The following FAM117A variants were observed in gnomAD, a reference collection of about 807,000 sequenced individuals.
FAM117A encodes the protein family with sequence similarity 117 member A, also known as protein FAM117A.
In FAM117A, 21 loss-of-function variants were observed where a neutral mutation model predicts 44.1. That is an observed-to-expected ratio of 0.48 (90% CI 0.34 to 0.69). FAM117A has a LOEUF of 0.69. Ranked by LOEUF, FAM117A falls within the 30% of genes least tolerant of loss-of-function variation. The pLI is 0.01. For synonymous variants in FAM117A, 220 were observed against 238.3 expected, an observed-to-expected ratio of 0.92 and a Z score of 0.71; for missense variants, 498 against 589.9, an observed-to-expected ratio of 0.84 and a Z score of 1.61.
chr17:49,719,975 C>T (rs1363829497), intron 4 of FAM117A, 81 bp from the exon 5 acceptor site: 1 of 1,513,278 alleles, frequency 6.6e-7, no homozygotes, highest in Non-Finnish European at 8.8e-7. Flanking sequence ...GGGTAATGGT[C>T]ATGTCCACAC....
chr17:49,720,273 G>A (rs1455081158), intron 4 of FAM117A, 53 bp downstream of exon 4: 59 of 1,422,248 alleles, frequency 4.1e-5, no homozygotes, highest in East Asian at 1.6e-4. Context: ...GCCCATATAG[G>A]GGGGCCTGCA....
intron 1 of FAM117A, among the ~76,000 whole-genome samples, chr17:49,785,817 T>C (rs2073803984): frequency 6.6e-6 from 1 of 152,044 alleles, no homozygotes; most frequent in South Asian, 2.1e-4. Context: ...AAAATAAAAT[T>C]TTATTGAGGG....
At chr17:49,731,114 A>C (rs1162506852) in intron 2 of FAM117A, among the ~76,000 whole-genome samples, 1 of 152,190 alleles carries the variant, frequency 6.6e-6, no homozygotes, top group Non-Finnish European at 1.5e-5. Context: ...AAAATAAATA[A>C]AGGAAAGAAA....
chr17:49,732,451 G>C, intron 2 of FAM117A, 100 bp downstream of exon 2: 1 of 1,148,436 alleles, frequency 8.7e-7, no homozygotes, highest in Non-Finnish European at 1.3e-6. Context: ...CAAAACCCAA[G>C]ACAAATCATC....
At chr17:49,756,798 C>A (rs531678710) in intron 1 of FAM117A, among the ~76,000 whole-genome samples, 29 of 151,958 alleles carry the variant, frequency 1.9e-4, no homozygotes, top group Non-Finnish European at 3.4e-4. Context: ...CTTGTGTAGT[C>A]CCAGCTATTT....
chr17:49,711,906 A>G lies in FAM117A; in HGVS notation c.1062-351T>C, dbSNP rs190870391. ...ACGCCTATAATCCCAGCACTTTGGA[A>G]GGCCAAGGTGGATGGATCACTTGAG... is the stretch of plus-strand genomic sequence containing the variant. On this transcript the variant is annotated intron_variant, in intron 7 of 7. Coordinates refer to ENST00000240364, the MANE Select transcript of FAM117A (RefSeq NM_030802.4). 3.3e-5 allele frequency among the ~76,000 whole-genome samples: 5 copies of G among 152,338 alleles called. No individual in the cohort carries two copies. The East Asian group carries it at 9.6e-4, about 29-fold the overall frequency.
intron 2 of FAM117A, among the ~76,000 whole-genome samples, chr17:49,725,588 A>T (rs758294310): frequency 2.6e-5 from 4 of 152,204 alleles, no homozygotes; most frequent in Non-Finnish European, 5.9e-5. Context: ...TGCGTATCTG[A>T]GGTAAGAGTA....
intron 1 of FAM117A, among the ~76,000 whole-genome samples, chr17:49,772,438 T>C (rs1403783441): frequency 6.6e-6 from 1 of 151,744 alleles, no homozygotes; most frequent in Non-Finnish European, 1.5e-5. Context: ...AAACCCTGTC[T>C]CTACTAAAAA....
At chr17:49,743,069 TTTA>T (rs1232928030) in intron 1 of FAM117A, among the ~76,000 whole-genome samples, 1 of 152,160 alleles carries the variant, frequency 6.6e-6, no homozygotes, top group Non-Finnish European at 1.5e-5. Flanking sequence ...ACTGAGACCT[TTTA>T]TTACCCAAAC....
intron 2 of FAM117A, among the ~76,000 whole-genome samples, chr17:49,725,891 A>G (rs1017366108): frequency 1.3e-5 from 2 of 152,224 alleles, no homozygotes; most frequent in African/African-American, 2.4e-5. Context: ...AGATGTATGC[A>G]CACTGAAGAG....
chr17:49,784,108 A>G (rs1212275167), intron 1 of FAM117A, among the ~76,000 whole-genome samples: 1 of 152,234 alleles, frequency 6.6e-6, no homozygotes, highest in Non-Finnish European at 1.5e-5. Flanking sequence ...ACAATGAACA[A>G]CTACATTTTG....
At chr17:49,765,560 G>A (rs1276103011), upstream of FAM117A, 1 of 152,208 alleles carries the variant, frequency 6.6e-6, no homozygotes, top group Non-Finnish European at 1.5e-5. Context: ...TGAATGAATT[G>A]AGGCAATGGA....
intron 1 of FAM117A, among the ~76,000 whole-genome samples, chr17:49,775,444 C>G (rs1196824968): frequency 2.6e-5 from 4 of 152,184 alleles, no homozygotes; most frequent in Non-Finnish European, 4.4e-5. Context: ...AACAAAATGG[C>G]CTTGGCAGTC....
intron 1 of FAM117A, chr17:49,747,213 C>T (rs1161277054): frequency 1.3e-5 from 2 of 152,182 alleles, no homozygotes; most frequent in East Asian, 3.9e-4. Context: ...TTGTGGGCTC[C>T]CAGATGATCT....
intron 2 of FAM117A, among the ~76,000 whole-genome samples, chr17:49,731,339 T>C (rs2073583904): frequency 6.6e-6 from 1 of 152,196 alleles, no homozygotes; most frequent in Non-Finnish European, 1.5e-5. Context: ...GCTCTGAAGA[T>C]GAACAAGAGT....
chr17:49,733,627 C>T (rs1236208210), intron 1 of FAM117A, among the ~76,000 whole-genome samples: 1 of 151,904 alleles, frequency 6.6e-6, no homozygotes, highest in Non-Finnish European at 1.5e-5. Flanking sequence ...GAGCCAAGAT[C>T]GCACCACTGC....
intron 2 of FAM117A, among the ~76,000 whole-genome samples, chr17:49,728,447 GA>G (rs1598023392): frequency 6.7e-6 from 1 of 148,600 alleles, no homozygotes; most frequent in African/African-American, 2.5e-5. Flanking sequence ...TGGGGCTAAA[GA>G]AAAAAATATC....
intron 7 of FAM117A, among the ~76,000 whole-genome samples, chr17:49,714,653 T>TC (rs1331673817): frequency 6.7e-6 from 1 of 149,512 alleles, no homozygotes; most frequent in East Asian, 2.0e-4. Flanking sequence ...CCACTTCCTT[T>TC]TTTTTTTTTT....
intron 1 of FAM117A, among the ~76,000 whole-genome samples, chr17:49,775,624 G>A (rs754336208): frequency 5.3e-5 from 8 of 152,294 alleles, no homozygotes; most frequent in African/African-American, 1.2e-4. Context: ...TCAATGCCTC[G>A]AGGAGTTGTG....
Sources: allele counts gnomAD v4.1 joint callset (sites outside exome capture counted in the v4.1 genomes callset), GRCh38; gene constraint gnomAD v4.1.1; transcripts MANE v1.5; gene names NCBI Gene and HGNC (gene_info 2026-07-23, HGNC 2026-07-21).